MAP3K15: variants seen among roughly 807,000 people sequenced by gnomAD.
The protein encoded by MAP3K15 is MAPK/ERK kinase kinase 15.
A neutral mutation model predicts 99.5 loss-of-function variants in MAP3K15; 124 were observed. The ratio of observed to expected loss-of-function variants is 1.25; its 90% CI spans 1.08 to 1.45. MAP3K15 has a LOEUF of 1.45. MAP3K15 is among the 40% of genes most tolerant of loss of function. The pLI is 0.00. For missense variants in MAP3K15, 1,242 were observed against 1,079.7 expected, an observed-to-expected ratio of 1.15 and a Z score of -2.11; for synonymous variants, 494 against 439.6, an observed-to-expected ratio of 1.12 and a Z score of -1.55.
chrX:19,450,523 A>G (rs1446107259), intron 6 of MAP3K15, among the ~76,000 whole-genome samples: 8 of 110,437 alleles, frequency 7.2e-5, no homozygotes, highest in African/African-American at 2.3e-4. Context: ...ACTTGTTTGT[A>G]TAAGTTCAGG....
chrX:19,392,196 G>T, intron 17 of MAP3K15, 89 bp from the exon 18 acceptor site: 1 of 1,039,483 alleles, frequency 9.6e-7, no homozygotes. Context: ...ACCGTCACAA[G>T]TCTCTAGGAA....
intron 9 of MAP3K15, among the ~76,000 whole-genome samples, chrX:19,417,716 C>T (rs746874471): frequency 2.7e-5 from 3 of 111,778 alleles, no homozygotes; most frequent in Non-Finnish European, 5.6e-5. Flanking sequence ...GCACGCAGCT[C>T]GAGATCTGAG....
chrX:19,465,768 A>C (rs1000694294), intron 3 of MAP3K15, among the ~76,000 whole-genome samples: 2 of 108,776 alleles, frequency 1.8e-5, no homozygotes, highest in Non-Finnish European at 1.9e-5. Flanking sequence ...AAAACAAAAC[A>C]AAACCAAAAC....
chrX:19,403,226 G>A (rs1232063750), intron 13 of MAP3K15, among the ~76,000 whole-genome samples: 4 of 110,477 alleles, frequency 3.6e-5, no homozygotes, highest in Admixed American at 9.7e-5. Context: ...TTGTTTATAC[G>A]TTACACATCA....
In MAP3K15 at chrX:19,456,162, T is replaced by C. The variant is rs1183753529; in HGVS notation, c.995+751A>G. Reference sequence around the variant, plus strand: ...GCTATATACCCGAGAAATGTATCCATATGTGTAGAAAAAGCATGTACAGCA... The same window carrying C: ...GCTATATACCCGAGAAATGTATCCACATGTGTAGAAAAAGCATGTACAGCA... On this transcript the variant is annotated intron_variant, in intron 6 of 28. Transcript: ENST00000338883. Among the ~76,000 whole-genome samples the C allele has an allele frequency of 5.4e-5, 6 of 111,331 alleles. No homozygotes were observed. The East Asian group carries it at 1.4e-3, about 26-fold the overall frequency.
At chrX:19,375,830 C>A (rs936790988) in intron 19 of MAP3K15, among the ~76,000 whole-genome samples, 2 of 112,386 alleles carry the variant, frequency 1.8e-5, no homozygotes, top group Non-Finnish European at 3.8e-5. Context: ...TCCAACACAG[C>A]GCTCCTCCTG....
At chrX:19,366,694 G>T (rs191150027) in intron 25 of MAP3K15, among the ~76,000 whole-genome samples, 1 of 112,118 alleles carries the variant, frequency 8.9e-6, no homozygotes, top group African/African-American at 3.2e-5. Context: ...TCGTGGAACT[G>T]TAAGTCCATT....
chrX:19,392,468 G>C lies in MAP3K15; in HGVS notation c.2200C>G (p.Leu734Val). 6 of 1,205,165 alleles carry C rather than the reference G, an allele frequency of 5.0e-6. No homozygotes were observed. Among genetic ancestry groups the C allele is most frequent in the Non-Finnish European group, 6.7e-6 (6 of 893,237 alleles). ...CATTTGGATCGCAGAAGAGCAGAAA[G>C]GCTTCCTAGAGACAGTCACAGCAAA... ...IFMEQVPGGS[L>V]SALLRSKWGP... is the part of the protein sequence containing the mutation. Residue 734 changes from leucine to valine, a missense_variant, in exon 17 of 29, where the codon CTT becomes GTT. Physicochemically the swap from Leu to Val is conservative, Grantham distance 32. Coordinates refer to ENST00000338883, the MANE Select transcript of MAP3K15 (RefSeq NM_001001671.4).
intron 18 of MAP3K15, 29 bp downstream of exon 18, chrX:19,391,973 C>G (rs771366269): frequency 9.2e-7 from 1 of 1,086,926 alleles, no homozygotes; most frequent in East Asian, 3.0e-5. Flanking sequence ...CTGGGATGGG[C>G]ACCCTGTGCC....
intron 14 of MAP3K15, among the ~76,000 whole-genome samples, chrX:19,398,635 C>T (rs1175257279): frequency 2.7e-5 from 3 of 111,577 alleles, no homozygotes; most frequent in Non-Finnish European, 5.6e-5. Flanking sequence ...TTTGGAAATT[C>T]TTCCCCATTT....
rs760297711 is a variant in MAP3K15 at position 19,361,527 on chromosome X, C to G, written c.3746G>C (p.Arg1249Pro). 8.3e-7 allele frequency: 1 copy of G among 1,211,307 alleles called. No individual in the cohort carries two copies. The highest frequency in any genetic ancestry group is 1.1e-6 in the Non-Finnish European group (1 of 894,956). ...TGTCTTTGCATCAGCTCCTTGCAGC[C>G]GCAACCAGTCTATAAGCTCTTTATC... is the stretch of plus-strand genomic sequence containing the variant. The part of the protein sequence containing the change: ...RTDKELIDWL[R>P]LQGADAKTIE... The change falls in exon 27 of 29, where the codon CGG (arginine) becomes CCG (proline). Residue 1249 changes from arginine to proline, a missense_variant. Coordinates refer to ENST00000338883, the MANE Select transcript of MAP3K15 (RefSeq NM_001001671.4).
intron 6 of MAP3K15, among the ~76,000 whole-genome samples, chrX:19,446,901 A>G (rs998450593): frequency 9.0e-6 from 1 of 110,733 alleles, no homozygotes; most frequent in Non-Finnish European, 1.9e-5. Context: ...TTAATTAGGT[A>G]ATTTATTTTT....
Position 19,488,966 on chromosome X carries a change from A to G in MAP3K15, c.363T>C (p.Asp121=), listed in dbSNP as rs778492305. 2.6e-5 allele frequency: 31 copies of G among 1,195,448 alleles called. No homozygotes were observed. Among genetic ancestry groups the G allele is most frequent in the Non-Finnish European group, 3.4e-5 (30 of 893,185 alleles). The part of the protein sequence containing the change: ...TAVLDAFYDA[D]VAVVDMSDVS... ...CATCGCTCATGTCTACCACAGCAAC[A>G]TCTGCAATGAACAAGGAGAGGACAG... The change falls in exon 2 of 29, where the codon GAT becomes GAC. Residue 121 remains aspartate, a splice_region_variant and synonymous_variant. Transcript: ENST00000338883.
chrX:19,373,782 TGAACCGCCCAGGC>T (rs1793422626), intron 20 of MAP3K15, 87 bp from the exon 21 acceptor site: 2 of 1,011,265 alleles, frequency 2.0e-6, no homozygotes, highest in Non-Finnish European at 2.6e-6. Flanking sequence ...CAAGCCCAGG[TGAACCGCCCAGGC>T]ACCCAGGATC....
chrX:19,396,650 T>C (rs1334374013), intron 15 of MAP3K15, among the ~76,000 whole-genome samples: 1 of 112,045 alleles, frequency 8.9e-6, no homozygotes, highest in Non-Finnish European at 1.9e-5. Context: ...AATACATGAA[T>C]GGATGAATGA....
intron 18 of MAP3K15, among the ~76,000 whole-genome samples, chrX:19,387,666 C>T (rs921464448): frequency 9.0e-6 from 1 of 111,682 alleles, no homozygotes; most frequent in African/African-American, 3.3e-5. Flanking sequence ...GGATTACAGG[C>T]GTGCCCAGCA....
intron 25 of MAP3K15, among the ~76,000 whole-genome samples, chrX:19,368,419 G>A (rs2063350808): frequency 8.8e-6 from 1 of 113,179 alleles, no homozygotes; most frequent in Admixed American, 9.3e-5. Flanking sequence ...GGGATTACAG[G>A]CGTGAGCCAC....
At chrX:19,383,100 G>A (rs374745295) in intron 18 of MAP3K15, among the ~76,000 whole-genome samples, 2 of 111,125 alleles carry the variant, frequency 1.8e-5, no homozygotes, top group South Asian at 3.8e-4. Flanking sequence ...TTGCCCCTCA[G>A]AGGTACCTGC....
At position 19,508,737 on chromosome X, in the gene MAP3K15, C is replaced by T. The variant is rs191467450; in HGVS notation, c.361+6164G>A. ...ACCTCTACACAAAATAAACAAAATG[C>T]GCCAGGGGTGGTGACTCACACCTGT... On this transcript the variant is annotated intron_variant, in intron 1 of 28. Transcript: ENST00000338883. Among the ~76,000 whole-genome samples the T allele has an allele frequency of 3.9e-4, 42 of 108,907 alleles. No homozygotes were observed. The East Asian group carries it at 5.0e-3, about 13-fold the overall frequency. The allele number at this position is 108,907 out of a possible 115,157, so 94.6% of individuals were successfully genotyped here. A position where few individuals can be genotyped will look rare whatever the true frequency, so the allele number is the denominator to read the frequency against.
Sources: gnomAD v4.1 joint callset for allele counts (sites outside exome capture counted in the v4.1 genomes callset) on GRCh38, gnomAD v4.1.1 for gene constraint, MANE v1.5 for transcripts, NCBI Gene and HGNC (gene_info 2026-07-23, HGNC 2026-07-21) for gene names.